The following UNC80 variants were observed in gnomAD, a reference collection of about 807,000 sequenced individuals.
UNC80 encodes unc-80 subunit of NALCN channel complex, also known as protein unc-80 homolog.
Under a neutral mutation model 384.6 loss-of-function variants are expected in UNC80, and 164 were observed. That is an observed-to-expected ratio of 0.43 (90% CI 0.38 to 0.49). The LOEUF (loss-of-function observed/expected upper bound fraction) is 0.49, where lower values mean the gene tolerates loss of function less well. Among genes scored for constraint, UNC80 ranks in the 20% least tolerant of loss-of-function variants. The pLI, the probability that UNC80 is intolerant of heterozygous loss-of-function variation, is 0.00. For synonymous variants in UNC80, 1,486 were observed against 1,527.8 expected, an observed-to-expected ratio of 0.97 and a Z score of 0.64; for missense variants, 3,330 against 4,143.0, an observed-to-expected ratio of 0.80 and a Z score of 5.39.
rs2089754042 is a variant in UNC80 at position 209,918,567 on chromosome 2, G to A, written c.5247G>A (p.Ser1749=). 6 of 1,551,926 alleles carry A rather than the reference G, an allele frequency of 3.9e-6. No individual in the cohort carries two copies. Among genetic ancestry groups the A allele is most frequent in the Middle Eastern group, 3.3e-4 (2 of 5,998 alleles). The change falls in exon 33 of 65, where the codon TCG becomes TCA. Residue 1749 remains serine, a synonymous_variant. Transcript: ENST00000673920. ...PPPSINFTLP[S]PVLGMPSVPM... is the part of the protein sequence containing the mutation. ...CCAGTATCAATTTCACCCTTCCCTCGCCGGTGCTTGGAATGCCATCCGTCC... is the reference window on the plus strand; with the variant it reads ...CCAGTATCAATTTCACCCTTCCCTCACCGGTGCTTGGAATGCCATCCGTCC...
At chr2:209,865,365 GGCC>G (rs1400350957) in intron 22 of UNC80, among the ~76,000 whole-genome samples, 1 of 152,080 alleles carries the variant, frequency 6.6e-6, no homozygotes, top group Non-Finnish European at 1.5e-5. Flanking sequence ...CACTTTGGGA[GGCC>G]AAGGCAGGCG....
Position 209,977,000 on chromosome 2 carries a change from C to T in UNC80, c.8860C>T (p.Pro2954Ser). ...GCTGGAGCGGCGCTTCATACCACGCCCTTTGTGTAAGAGCTCGCTCATTGC... is the reference window on the plus strand; with the variant it reads ...GCTGGAGCGGCGCTTCATACCACGCTCTTTGTGTAAGAGCTCGCTCATTGC... ...DQLERRFIPR[P>S]LCKSSLIAEF... The change falls in exon 58 of 65, where the codon CCT becomes TCT. Residue 2954 changes from proline to serine, a missense_variant. Coordinates refer to ENST00000673920, the MANE Select transcript of UNC80 (RefSeq NM_001371986.1). This position sits in a 1 kb window ranked among gnomAD's most constrained non-coding sequence, Gnocchi z 4.3. 4 of 1,539,186 alleles carry T rather than the reference C, an allele frequency of 2.6e-6. No individual in the cohort carries two copies. Among genetic ancestry groups the T allele is most frequent in the Non-Finnish European group, 3.5e-6 (4 of 1,136,756 alleles).
intron 53 of UNC80, 151 bp from the exon 54 acceptor site, chr2:209,970,681 C>A: frequency 9.6e-7 from 1 of 1,044,950 alleles, no homozygotes; most frequent in Non-Finnish European, 1.4e-6. Context: ...CATTACATGC[C>A]TTCAGAAGGC....
chr2:209,778,739 A>C (rs965486492), intron 4 of UNC80, among the ~76,000 whole-genome samples: 5 of 152,236 alleles, frequency 3.3e-5, no homozygotes, highest in African/African-American at 1.2e-4. Flanking sequence ...TGAATGAATA[A>C]ATTAACAAAT....
chr2:209,786,398 C>T (rs895876418), intron 5 of UNC80, among the ~76,000 whole-genome samples: 19 of 152,170 alleles, frequency 1.2e-4, no homozygotes, highest in African/African-American at 4.3e-4. Context: ...TTTAGACTTC[C>T]TGTGCCTCAG....
At position 209,881,008 on chromosome 2, in the gene UNC80, G is replaced by A; in HGVS notation, c.4024G>A (p.Ala1342Thr). The A allele has an allele frequency of 1.9e-6, 3 of 1,551,960 alleles. No homozygotes were observed. Among genetic ancestry groups the A allele is most frequent in the Non-Finnish European group, 2.6e-6 (3 of 1,147,042 alleles). Residue 1342 changes from alanine to threonine, a missense_variant, in exon 25 of 65, where the codon GCA (alanine) becomes ACA (threonine). Coordinates refer to ENST00000673920, the MANE Select transcript of UNC80 (RefSeq NM_001371986.1). ...KCGCPFALKM[A>T]ACQLLLEITT... Reference sequence around the variant, plus strand: ...CGGTTGCCCCTTTGCCTTGAAGATGGCAGCATGTCAGCTTCTTCTGGAGAT... The same window carrying A: ...CGGTTGCCCCTTTGCCTTGAAGATGACAGCATGTCAGCTTCTTCTGGAGAT...
intron 48 of UNC80, among the ~76,000 whole-genome samples, chr2:209,954,836 G>T (rs913683425): frequency 6.6e-6 from 1 of 152,128 alleles, no homozygotes; most frequent in African/African-American, 2.4e-5. Context: ...AGAGGATTGA[G>T]AAATTTGGGA....
intron 51 of UNC80, among the ~76,000 whole-genome samples, chr2:209,965,484 T>C (rs1274669760): frequency 2.0e-5 from 3 of 151,802 alleles, no homozygotes; most frequent in Non-Finnish European, 4.4e-5. Flanking sequence ...TTTTTTTTTT[T>C]AGACAGAGTC....
intron 31 of UNC80, among the ~76,000 whole-genome samples, chr2:209,917,040 AG>A (rs1053226513): frequency 8.5e-5 from 13 of 152,190 alleles, no homozygotes; most frequent in African/African-American, 3.1e-4. Flanking sequence ...CAGAGCTACT[AG>A]GATTTAACCC....
intron 47 of UNC80, among the ~76,000 whole-genome samples, chr2:209,947,656 A>G (rs1183645317): frequency 2.0e-5 from 3 of 152,164 alleles, no homozygotes; most frequent in African/African-American, 4.8e-5. Context: ...GATATCTCTC[A>G]TGGGAATAAG....
Position 209,819,069 on chromosome 2 carries a change from CTT to C in UNC80, c.1774_1775del (p.Phe592GlnfsTer2). On this transcript the variant is annotated frameshift_variant, in exon 12 of 65. Coordinates refer to ENST00000673920, the MANE Select transcript of UNC80 (RefSeq NM_001371986.1). LOFTEE classifies it high-confidence loss of function. ...LASFNVGYADFFNEHMRKLCN... is the reference protein window; with the variant it reads ...LASFNVGYADXFNEHMRKLCN... Reference sequence around the variant, plus strand: ...CGTCATTCAACGTAGGCTATGCAGACTTTTTCAATGAGCATATGAGGAAACTC... The same window carrying C: ...CGTCATTCAACGTAGGCTATGCAGACTTTCAATGAGCATATGAGGAAACTC... The C allele has an allele frequency of 3.9e-6, 6 of 1,551,986 alleles. No homozygotes were observed. The highest frequency in any genetic ancestry group is 5.2e-6 in the Non-Finnish European group (6 of 1,147,060).
rs908186196 is a variant in UNC80, at chr2:209,998,721, A to G, written c.*3126A>G. ...AATAGAAGTACAGTCTGAAACATGA[A>G]TTAAATATCCTTCCTCAAGTTATAA... On this transcript the variant is annotated 3_prime_UTR_variant, in exon 65 of 65. Transcript: ENST00000673920. 6.6e-6 allele frequency: 1 copy of G among 152,244 alleles called. No individual in the cohort carries two copies. The highest frequency in any genetic ancestry group is 1.5e-5 in the Non-Finnish European group (1 of 68,052). The allele number at this position is 152,244 out of a possible 1,614,324, so 9.4% of individuals were successfully genotyped here.
intron 26 of UNC80, among the ~76,000 whole-genome samples, chr2:209,889,976 G>T (rs975019190): frequency 6.6e-6 from 1 of 152,116 alleles, no homozygotes; most frequent in South Asian, 2.1e-4. Context: ...CTCCCAACAG[G>T]TGTGAGCCAA....
Position 209,959,529 on chromosome 2 carries a change from A to T in UNC80, c.7627A>T (p.Arg2543Ter), listed in dbSNP as rs964092375. ...HLLEEGQGIP[R>*]EELDERIARE... ...ACTGGAGGAAGGGCAAGGCATTCCC[A>T]GAGAGGAACTGGATGAACGAATTGC... Residue 2543 changes from arginine (R) to a stop codon, truncating the protein, a stop_gained, in exon 51 of 65, where the codon AGA becomes TGA. Coordinates refer to ENST00000673920, the MANE Select transcript of UNC80 (RefSeq NM_001371986.1). LOFTEE classifies it high-confidence loss of function. The T allele has an allele frequency of 1.3e-6, 2 of 1,551,606 alleles. No individual in the cohort carries two copies. The highest frequency in any genetic ancestry group is 1.4e-5 in the African/African-American group (1 of 73,062).
At chr2:209,865,793 C>T (rs1363967735) in intron 22 of UNC80, among the ~76,000 whole-genome samples, 3 of 152,160 alleles carry the variant, frequency 2.0e-5, no homozygotes, top group African/African-American at 7.2e-5. Flanking sequence ...AAGATTATTT[C>T]AGAAGTGTCT....
intron 13 of UNC80, among the ~76,000 whole-genome samples, chr2:209,823,851 C>A (rs577152701): frequency 1.3e-5 from 2 of 152,008 alleles, no homozygotes; most frequent in South Asian, 4.2e-4. Context: ...AAGCTAAAAT[C>A]GGAATTCAAA....
At chr2:209,918,172 C>A (rs981894763) in intron 32 of UNC80, among the ~76,000 whole-genome samples, 2 of 152,074 alleles carry the variant, frequency 1.3e-5, no homozygotes, top group African/African-American at 4.8e-5. Flanking sequence ...TCTCTATAAA[C>A]CTCAAAATCT....
At chr2:209,777,108 G>T in intron 3 of UNC80, 150 bp from the exon 4 acceptor site, 1 of 834,854 alleles carries the variant, frequency 1.2e-6, no homozygotes, top group East Asian at 2.6e-5. Flanking sequence ...GCGGCCAGTA[G>T]GGAAGTCCAA....
At position 209,937,515 on chromosome 2, in the gene UNC80, TG is replaced by T; in HGVS notation, c.6364-13del. Reference sequence around the variant, plus strand: ...TTGAACTCTTTTTTTTGTCTCTTTATGTAATCCACACAGACCTATGTTCGAG... The same window carrying T: ...TTGAACTCTTTTTTTTGTCTCTTTATTAATCCACACAGACCTATGTTCGAG... On this transcript the variant is annotated splice_polypyrimidine_tract_variant and intron_variant, in intron 41 of 64. Transcript: ENST00000673920. 6.5e-7 allele frequency: 1 copy of T among 1,530,162 alleles called. No homozygotes were observed. Among genetic ancestry groups the T allele is most frequent in the Non-Finnish European group, 8.9e-7 (1 of 1,127,988 alleles). The allele number at this position is 1,530,162 out of a possible 1,614,324, so 94.8% of individuals were successfully genotyped here.
Sources: gnomAD v4.1 joint callset for allele counts (sites outside exome capture counted in the v4.1 genomes callset) on GRCh38, gnomAD v4.1.1 for gene constraint, Gnocchi (gnomAD v3.1) non-coding constraint, MANE v1.5 for transcripts, NCBI Gene and HGNC (gene_info 2026-07-23, HGNC 2026-07-21) for gene names.